KCNC2: variants seen among roughly 807,000 people sequenced by gnomAD.
The protein encoded by KCNC2 is voltage-gated potassium channel KCNC2.
A neutral mutation model predicts 44.5 loss-of-function variants in KCNC2; 21 were observed. The ratio of observed to expected loss-of-function variants is 0.47; its 90% CI spans 0.33 to 0.68. The LOEUF is 0.68. Ranked by LOEUF, KCNC2 falls within the 30% of genes least tolerant of loss-of-function variation. The pLI, the probability that KCNC2 is intolerant of heterozygous loss-of-function variation, is 0.01. For synonymous variants in KCNC2, 391 were observed against 339.1 expected (o/e 1.15, Z -1.68); for missense variants, 589 against 826.2 (o/e 0.71, Z 3.52).
At chr12:75,190,286 T>C (rs2030069892) in intron 2 of KCNC2, among the ~76,000 whole-genome samples, 1 of 152,214 alleles carries the variant, frequency 6.6e-6, no homozygotes, top group Non-Finnish European at 1.5e-5. Flanking sequence ...CTTCTTTCAG[T>C]TCCTTTAATT....
chr12:75,204,219 A>G lies in KCNC2; in HGVS notation c.687+3078T>C, dbSNP rs187786049. 2.6e-4 allele frequency among the ~76,000 whole-genome samples: 39 copies of G among 152,120 alleles called. No individual in the cohort carries two copies. The East Asian group carries it at 6.0e-3, about 23-fold the overall frequency. ...ATTTAAATGTATAAAATATACACTT[A>G]TTTACCAATTGAAATACAACAATAT... is the stretch of plus-strand genomic sequence containing the variant. On this transcript the variant is annotated intron_variant, in intron 2 of 4. Transcript: ENST00000549446.
intron 4 of KCNC2, among the ~76,000 whole-genome samples, chr12:75,045,321 C>T (rs938604362): frequency 6.6e-6 from 1 of 151,928 alleles, no homozygotes; most frequent in Non-Finnish European, 1.5e-5. Context: ...GGTTGCCATT[C>T]TAAATGTTAT....
chr12:75,130,109 T>A (rs922931488), intron 2 of KCNC2, among the ~76,000 whole-genome samples: 2 of 151,870 alleles, frequency 1.3e-5, no homozygotes, highest in Non-Finnish European at 2.9e-5. Flanking sequence ...CCAAAACAGG[T>A]CCTGTACCCC....
intron 2 of KCNC2, among the ~76,000 whole-genome samples, chr12:75,188,543 T>G (rs879903017): frequency 2.6e-5 from 4 of 152,100 alleles, no homozygotes; most frequent in Non-Finnish European, 5.9e-5. Context: ...GGTATCATAC[T>G]TTATCTGGCA....
intron 2 of KCNC2, among the ~76,000 whole-genome samples, chr12:75,053,257 T>C (rs1881380203): frequency 2.1e-5 from 1 of 47,604 alleles, no homozygotes; most frequent in Non-Finnish European, 4.5e-5. Flanking sequence ...AATATGTACC[T>C]ACTAACTCCC....
chr12:75,051,313 A>G lies in KCNC2; in HGVS notation c.692T>C (p.Ile231Thr). ...DPYSSRAARF[I>T]AFASLFFILV... ...GATGAAGAATAAAGAAGCAAAAGCAATAAACTGTAGAGGAAAAAGAAATAA... is the reference window on the plus strand; with the variant it reads ...GATGAAGAATAAAGAAGCAAAAGCAGTAAACTGTAGAGGAAAAAGAAATAA... The change falls in exon 3 of 5, where the codon ATT becomes ACT. Residue 231 changes from isoleucine (I) to threonine (T), a missense_variant. By Grantham distance (89) the Ile-to-Thr change is moderately conservative. Coordinates refer to ENST00000549446, the MANE Select transcript of KCNC2 (RefSeq NM_139137.4). 5 of 1,567,504 alleles carry G rather than the reference A, an allele frequency of 3.2e-6. No homozygotes were observed. Among genetic ancestry groups the G allele is most frequent in the Non-Finnish European group, 4.4e-6 (5 of 1,147,512 alleles).
At chr12:75,095,561 G>T (rs1241151259) in intron 2 of KCNC2, among the ~76,000 whole-genome samples, 1 of 151,422 alleles carries the variant, frequency 6.6e-6, no homozygotes, top group Admixed American at 6.6e-5. Flanking sequence ...AATGATTTGG[G>T]TATACATGTT....
intron 2 of KCNC2, among the ~76,000 whole-genome samples, chr12:75,143,593 C>T (rs1010782151): frequency 2.0e-5 from 3 of 152,154 alleles, no homozygotes. Flanking sequence ...TGTCCTTGAT[C>T]TTGAGCTCTC....
intron 2 of KCNC2, among the ~76,000 whole-genome samples, chr12:75,125,748 C>T (rs1359139213): frequency 6.6e-6 from 1 of 152,140 alleles, no homozygotes; most frequent in East Asian, 1.9e-4. Flanking sequence ...ACGTGCCAAA[C>T]TCACCTTTTG....
At chr12:75,065,357 T>C (rs1310379834) in intron 2 of KCNC2, among the ~76,000 whole-genome samples, 1 of 152,072 alleles carries the variant, frequency 6.6e-6, no homozygotes, top group Non-Finnish European at 1.5e-5. Flanking sequence ...ATGCCTCAAA[T>C]AAAATGTCAG....
At chr12:75,131,539 T>C (rs1888844660) in intron 2 of KCNC2, among the ~76,000 whole-genome samples, 1 of 152,156 alleles carries the variant, frequency 6.6e-6, no homozygotes, top group Non-Finnish European at 1.5e-5. Flanking sequence ...ATTATCTGGG[T>C]GGGTTCAATC....
chr12:75,074,911 CGGGA>C (rs1883776848), intron 2 of KCNC2, among the ~76,000 whole-genome samples: 1 of 151,992 alleles, frequency 6.6e-6, no homozygotes, highest in Admixed American at 6.6e-5. Flanking sequence ...TCTAACTAAA[CGGGA>C]GGAAGAGCTT....
rs553930830 is a variant in KCNC2 at position 75,178,381 on chromosome 12, A to G, written c.687+28916T>C. Among the ~76,000 whole-genome samples the G allele has an allele frequency of 3.3e-5, 5 of 152,186 alleles. No individual in the cohort carries two copies. The South Asian group carries it at 1.0e-3, about 31-fold the overall frequency. ...GTGAATCAAATTTATTGATTCACAC[A>G]GATGGCAATATGATTTTTGAAGCTC... On this transcript the variant is annotated intron_variant, in intron 2 of 4. Coordinates refer to ENST00000549446, the MANE Select transcript of KCNC2 (RefSeq NM_139137.4).
intron 2 of KCNC2, among the ~76,000 whole-genome samples, chr12:75,112,296 G>A (rs1478568774): frequency 6.6e-6 from 1 of 151,948 alleles, no homozygotes; most frequent in Non-Finnish European, 1.5e-5. Flanking sequence ...TTGAAGTTGA[G>A]TTATCTGAAT....
chr12:75,187,773 G>A (rs540301544), intron 2 of KCNC2, among the ~76,000 whole-genome samples: 3 of 152,144 alleles, frequency 2.0e-5, no homozygotes, highest in African/African-American at 7.2e-5. Context: ...TGAAAATTAT[G>A]AGAACCCAAA....
intron 2 of KCNC2, among the ~76,000 whole-genome samples, chr12:75,059,736 T>C (rs905185086): frequency 1.3e-5 from 2 of 152,122 alleles, no homozygotes; most frequent in African/African-American, 4.8e-5. Context: ...AATTGGCTGC[T>C]TTACTAGATT....
chr12:75,086,675 AAAAAAAATATAT>A lies in KCNC2; in HGVS notation c.688-35370_688-35359del, dbSNP rs1449150815. Among the ~76,000 whole-genome samples the A allele has an allele frequency of 1.7e-4, 13 of 76,732 alleles. 1 individual carries two copies. The South Asian group carries it at 1.7e-3, about 10-fold the overall frequency. The allele number at this position is 76,732 out of a possible 152,430, so 50.3% of individuals were successfully genotyped here. ...GTTCATTTGGCAAAAAAAAAAAAAAAAAAAAAATATATATATATATATATACACACACATATT... is the reference window on the plus strand; with the variant it reads ...GTTCATTTGGCAAAAAAAAAAAAAAAATATATATATATACACACACATATT... On this transcript the variant is annotated intron_variant, in intron 2 of 4. Coordinates refer to ENST00000549446, the MANE Select transcript of KCNC2 (RefSeq NM_139137.4).
At chr12:75,045,693 C>T (rs890912566) in intron 4 of KCNC2, among the ~76,000 whole-genome samples, 2 of 151,866 alleles carry the variant, frequency 1.3e-5, no homozygotes, top group African/African-American at 4.8e-5. Context: ...ACTACCTACC[C>T]ATGTGCTATT....
chr12:75,198,905 T>A (rs2031003841), intron 2 of KCNC2, among the ~76,000 whole-genome samples: 1 of 151,794 alleles, frequency 6.6e-6, no homozygotes, highest in South Asian at 2.1e-4. Flanking sequence ...TAAACATAAT[T>A]TATAAACATG....
Sources: allele counts gnomAD v4.1 joint callset (sites outside exome capture counted in the v4.1 genomes callset), GRCh38; gene constraint gnomAD v4.1.1; transcripts MANE v1.5; gene names NCBI Gene and HGNC (gene_info 2026-07-23, HGNC 2026-07-21).